Variants in ZNF385D observed in about 807,000 individuals in gnomAD.
The protein encoded by ZNF385D is zinc finger protein 659.
Under a neutral mutation model 35.8 loss-of-function variants are expected in ZNF385D, and 15 were observed. The observed-to-expected ratio is 0.42, with a 90% confidence interval of 0.28 to 0.64. ZNF385D has a LOEUF of 0.64. ZNF385D is among the 30% of genes least tolerant of loss of function. The probability of loss-of-function intolerance (pLI) is 0.23; values close to 1 mark genes in which losing one functional copy is unlikely to be tolerated. For synonymous variants in ZNF385D, 212 were observed against 186.8 expected, an observed-to-expected ratio of 1.13 and a Z score of -1.10; for missense variants, 474 against 494.6, an observed-to-expected ratio of 0.96 and a Z score of 0.39.
intron 4 of ZNF385D, among the ~76,000 whole-genome samples, chr3:21,461,984 C>G (rs919000654): frequency 6.6e-6 from 1 of 152,162 alleles, no homozygotes; most frequent in African/African-American, 2.4e-5. Context: ...AAGTATATAG[C>G]TAATATATAA....
At chr3:22,369,214 T>C (rs527728903) in intron 2 of ZNF385D, among the ~76,000 whole-genome samples, 2 of 152,190 alleles carry the variant, frequency 1.3e-5, no homozygotes, top group Non-Finnish European at 2.9e-5. Context: ...GGAGCTTAAA[T>C]TACCTTTCAG....
At chr3:21,709,249 C>T (rs556493015) in intron 1 of ZNF385D, among the ~76,000 whole-genome samples, 20 of 152,286 alleles carry the variant, frequency 1.3e-4, no homozygotes, top group Admixed American at 1.2e-3. Context: ...ATTCACTGTG[C>T]TTTGATGAAG....
chr3:21,711,801 T>C lies in ZNF385D; in HGVS notation c.22+39094A>G, dbSNP rs140397951. ...AGAGCTGTGGGAAAGAATTCTGAGATATAGTGAGCTGGACTGAGGTAGGAA... is the reference window on the plus strand; with the variant it reads ...AGAGCTGTGGGAAAGAATTCTGAGACATAGTGAGCTGGACTGAGGTAGGAA... On this transcript the variant is annotated intron_variant, in intron 1 of 7. Coordinates refer to ENST00000281523, the MANE Select transcript of ZNF385D (RefSeq NM_024697.3). Among the ~76,000 whole-genome samples, 30 of 152,330 alleles carry C rather than the reference T, an allele frequency of 2.0e-4. No individual in the cohort carries two copies. The East Asian group carries it at 5.4e-3, about 27-fold the overall frequency.
chr3:22,080,048 T>G (rs1214123381), intron 3 of ZNF385D, among the ~76,000 whole-genome samples: 2 of 152,124 alleles, frequency 1.3e-5, no homozygotes, highest in African/African-American at 4.8e-5. Context: ...ACTGCCAACC[T>G]ACACCTATGT....
chr3:22,101,303 T>C (rs1477319159), intron 3 of ZNF385D, among the ~76,000 whole-genome samples: 2 of 152,028 alleles, frequency 1.3e-5, no homozygotes, highest in African/African-American at 2.4e-5. Context: ...AATATATTTA[T>C]GTAGATAGAG....
chr3:22,280,642 C>A (rs1701689987), intron 2 of ZNF385D, among the ~76,000 whole-genome samples: 2 of 152,074 alleles, frequency 1.3e-5, no homozygotes, highest in Admixed American at 6.6e-5. Flanking sequence ...TATTTTTATA[C>A]CAGTACCATG....
At chr3:21,701,216 T>C (rs1238176046) in intron 1 of ZNF385D, among the ~76,000 whole-genome samples, 1 of 152,192 alleles carries the variant, frequency 6.6e-6, no homozygotes, top group African/African-American at 2.4e-5. Flanking sequence ...GAGGTTTAAC[T>C]GGACTTACAG....
At chr3:21,991,488 A>C (rs1015638222) in intron 3 of ZNF385D, among the ~76,000 whole-genome samples, 1 of 152,214 alleles carries the variant, frequency 6.6e-6, no homozygotes, top group Non-Finnish European at 1.5e-5. Flanking sequence ...GTAATTATGC[A>C]GCTAAAATAA....
At chr3:21,886,285 T>C (rs1180789509) in intron 3 of ZNF385D, among the ~76,000 whole-genome samples, 1 of 152,084 alleles carries the variant, frequency 6.6e-6, no homozygotes, top group Admixed American at 6.6e-5. Flanking sequence ...CTCTAAGTCA[T>C]AGTATAGATG....
At chr3:22,178,993 T>C (rs1351815475) in intron 2 of ZNF385D, among the ~76,000 whole-genome samples, 1 of 152,130 alleles carries the variant, frequency 6.6e-6, no homozygotes, top group Admixed American at 6.5e-5. Flanking sequence ...AGTAGCCTTG[T>C]AGTATAGTTT....
intron 2 of ZNF385D, among the ~76,000 whole-genome samples, chr3:22,176,908 T>A (rs1388933172): frequency 2.6e-5 from 4 of 152,202 alleles, no homozygotes; most frequent in Non-Finnish European, 5.9e-5. Context: ...AAATAATAGA[T>A]CAGATATGTC....
intron 1 of ZNF385D, among the ~76,000 whole-genome samples, chr3:21,694,561 C>CCCT (rs1342769776): frequency 6.6e-6 from 1 of 152,156 alleles, no homozygotes; most frequent in Admixed American, 6.5e-5. Flanking sequence ...CTTGCAGCAT[C>CCCT]CCTTGCTCGA....
At chr3:22,041,943 A>G (rs1407078909) in intron 3 of ZNF385D, among the ~76,000 whole-genome samples, 1 of 152,150 alleles carries the variant, frequency 6.6e-6, no homozygotes, top group African/African-American at 2.4e-5. Flanking sequence ...ATACAAAGCA[A>G]TTATTGGTGG....
chr3:21,883,116 G>C (rs1378495771), intron 3 of ZNF385D, among the ~76,000 whole-genome samples: 1 of 151,714 alleles, frequency 6.6e-6, no homozygotes, highest in African/African-American at 2.4e-5. Context: ...TCATCTTATG[G>C]GTTAGTTTGT....
chr3:21,822,727 T>C (rs1214967429), intron 3 of ZNF385D, among the ~76,000 whole-genome samples: 4 of 152,032 alleles, frequency 2.6e-5, no homozygotes, highest in East Asian at 1.9e-4. Flanking sequence ...GGAATACTTA[T>C]AGATTGGAAC....
intron 2 of ZNF385D, among the ~76,000 whole-genome samples, chr3:22,286,759 CA>C (rs1205524020): frequency 6.6e-6 from 1 of 152,082 alleles, no homozygotes; most frequent in African/African-American, 2.4e-5. Flanking sequence ...AGATACTTCA[CA>C]AAGAAATATG....
At chr3:22,131,684 A>G (rs2087723) in intron 3 of ZNF385D, among the ~76,000 whole-genome samples, 31,274 of 152,098 alleles carry the variant, frequency 0.21, 3,493 homozygotes, top group East Asian at 0.41. Context: ...ATGGCAGAGC[A>G]TATGACTACA....
intron 1 of ZNF385D, among the ~76,000 whole-genome samples, chr3:21,666,503 T>C (rs1339026886): frequency 6.6e-6 from 1 of 152,158 alleles, no homozygotes; most frequent in Non-Finnish European, 1.5e-5. Flanking sequence ...GTAAACTAAT[T>C]TTCAAAGTAG....
At chr3:22,326,430 C>A (rs1694681970) in intron 2 of ZNF385D, among the ~76,000 whole-genome samples, 2 of 152,144 alleles carry the variant, frequency 1.3e-5, no homozygotes, top group South Asian at 4.1e-4. Context: ...ATCTTCCAGG[C>A]ATTTTCTGCA....
Sources: allele counts gnomAD v4.1 joint callset (sites outside exome capture counted in the v4.1 genomes callset), GRCh38; gene constraint gnomAD v4.1.1; transcripts MANE v1.5; gene names NCBI Gene and HGNC (gene_info 2026-07-23, HGNC 2026-07-21).